The following FCER2 variants were observed in gnomAD, a reference collection of about 807,000 sequenced individuals.
FCER2 encodes Fc epsilon receptor II, also known as low affinity immunoglobulin epsilon Fc receptor.
FCER2 carries 38 observed loss-of-function variants against 49.7 expected under a neutral mutation model. That is an observed-to-expected ratio of 0.76 (90% confidence interval 0.59 to 1.00). The LOEUF (loss-of-function observed/expected upper bound fraction) is 1.00, where lower values mean the gene tolerates loss of function less well. Ranked by LOEUF, FCER2 falls within the 50% of genes least tolerant of loss-of-function variation. The probability of loss-of-function intolerance (pLI) is 0.00; values close to 1 mark genes in which losing one functional copy is unlikely to be tolerated. For synonymous variants in FCER2, 163 were observed against 164.6 expected, an observed-to-expected ratio of 0.99 and a Z score of 0.07; for missense variants, 425 against 419.5, an observed-to-expected ratio of 1.01 and a Z score of -0.11.
chr19:7,696,734 C>T (rs763041487), intron 8 of FCER2, 91 bp downstream of exon 8: 2 of 890,060 alleles, frequency 2.2e-6, no homozygotes, highest in South Asian at 1.5e-5. Context: ...CATGCTGCCT[C>T]ACGTCACACG....
chr19:7,697,183 ACTCC>A, intron 6 of FCER2, 49 bp downstream of exon 6: 7 of 1,600,746 alleles, frequency 4.4e-6, no homozygotes, highest in Non-Finnish European at 6.0e-6. Flanking sequence ...GCTCTGAGAC[ACTCC>A]CTCCTTCCCA....
In FCER2 at chr19:7,697,597, G is replaced by C. The variant is rs190601939; in HGVS notation, c.191-8C>G. On this transcript the variant is annotated splice_polypyrimidine_tract_variant and splice_region_variant and intron_variant, in intron 4 of 10. Transcript: ENST00000597921. The stretch of plus-strand genomic sequence containing the variant: ...TCTTGGAAACTTGAGAGACTGGAGC[G>C]GCGGGAGAGAAGAGATATCCCAGGA... 2,119 of 1,613,618 alleles carry C rather than the reference G, an allele frequency of 1.3e-3. 12 individuals carry two copies. Among genetic ancestry groups the C allele is most frequent in the South Asian group, 1.3e-3 (116 of 91,038 alleles).
At chr19:7,698,164 G>A (rs1054424151) in intron 4 of FCER2, among the ~76,000 whole-genome samples, 192 bp downstream of exon 4, 1 of 152,202 alleles carries the variant, frequency 6.6e-6, no homozygotes, top group Non-Finnish European at 1.5e-5. Flanking sequence ...GCAAGCGGAA[G>A]AGCATCTGTA....
At chr19:7,696,435 C>T (rs1039680777) in intron 8 of FCER2, among the ~76,000 whole-genome samples, 1 of 152,032 alleles carries the variant, frequency 6.6e-6, no homozygotes, top group South Asian at 2.1e-4. Flanking sequence ...GGGGTTTCAC[C>T]ATGTTGGTCA....
intron 2 of FCER2, among the ~76,000 whole-genome samples, chr19:7,699,166 C>T (rs1335304491): frequency 6.6e-6 from 1 of 152,146 alleles, no homozygotes; most frequent in Admixed American, 6.6e-5. Flanking sequence ...TGAGCCCCAA[C>T]GCCCACCCTT....
Position 7,699,878 on chromosome 19 carries a change from C to G in FCER2, c.-85-33G>C, listed in dbSNP as rs112897528. ...GGGATTTAATGATGGTTAGGGTGAGCCATCAAATCCTAGTTACCAGCACAG... is the reference window on the plus strand; with the variant it reads ...GGGATTTAATGATGGTTAGGGTGAGGCATCAAATCCTAGTTACCAGCACAG... On this transcript the variant is annotated intron_variant, in intron 1 of 10. Coordinates refer to ENST00000597921, the MANE Select transcript of FCER2 (RefSeq NM_001220500.2). 5,110 of 976,884 alleles carry G rather than the reference C, an allele frequency of 5.2e-3. 190 individuals carry two copies. The African/African-American group carries it at 0.07, about 13-fold the overall frequency. The allele number at this position is 976,884 out of a possible 1,614,324, so 60.5% of individuals were successfully genotyped here. A position where few individuals can be genotyped will look rare whatever the true frequency, so the allele number is the denominator to read the frequency against.
rs747004976 is a variant in FCER2 at position 7,698,357 on chromosome 19, G to C, written c.189C>G (p.Asn63Lys). The C allele has an allele frequency of 6.2e-7, 1 of 1,609,342 alleles. No homozygotes were observed. Among genetic ancestry groups the C allele is most frequent in the South Asian group, 1.1e-5 (1 of 90,588 alleles). ...LKQLEERAARNVSQVSKNLES... is the reference protein window; with the variant it reads ...LKQLEERAARKVSQVSKNLES... ...CCCTCCACCTTGACCCCTTCATACC[G>C]TTCCGGGCAGCCCTCTCTTCCAGCT... The change falls in exon 4 of 11, where the codon AAC (asparagine) becomes AAG (lysine). Residue 63 changes from asparagine to lysine, a missense_variant and splice_region_variant. Physicochemically the swap from Asn to Lys is moderately conservative, Grantham distance 94. Transcript: ENST00000597921.
rs1270430745 is a variant in FCER2 at position 7,689,177 on chromosome 19, C to T, written c.*16G>A. 2 of 1,562,476 alleles carry T rather than the reference C, an allele frequency of 1.3e-6. No homozygotes were observed. Among genetic ancestry groups the T allele is most frequent in the East Asian group, 2.3e-5 (1 of 44,316 alleles). On this transcript the variant is annotated 3_prime_UTR_variant, in exon 11 of 11. Coordinates refer to ENST00000597921, the MANE Select transcript of FCER2 (RefSeq NM_001220500.2). ...GGGTCTTCAGGGTCTTGCTCTGGGC[C>T]TGGCTGTATCCATGCTCAAGAGTGG... is the stretch of plus-strand genomic sequence containing the variant.
Position 7,693,988 on chromosome 19 carries a change from C to T in FCER2, c.469+2837G>A, listed in dbSNP as rs543493647. On this transcript the variant is annotated intron_variant, in intron 8 of 10. Transcript: ENST00000597921. ...TTTTTTTTTTAAAGAGGCAGGGTCT[C>T]ATCATCTTGCCCAGGCCAGTCTCGA... Among the ~76,000 whole-genome samples, 664 of 149,372 alleles carry T rather than the reference C, an allele frequency of 4.4e-3. 3 individuals carry two copies. Among genetic ancestry groups the T allele is most frequent in the Non-Finnish European group, 7.4e-3 (500 of 67,582 alleles).
chr19:7,690,616 C>T, intron 8 of FCER2, 59 bp from the exon 9 acceptor site: 1 of 1,569,862 alleles, frequency 6.4e-7, no homozygotes, highest in Non-Finnish European at 8.6e-7. Context: ...GCACCCTGGG[C>T]AGACTAGGTG....
At chr19:7,701,151 A>G (rs2033144700) in intron 1 of FCER2, among the ~76,000 whole-genome samples, 1 of 152,208 alleles carries the variant, frequency 6.6e-6, no homozygotes, top group South Asian at 2.1e-4. Flanking sequence ...GCTGAGGAGC[A>G]TGGGACTTGG....
chr19:7,693,793 C>T (rs529633887), intron 8 of FCER2, among the ~76,000 whole-genome samples: 10 of 151,994 alleles, frequency 6.6e-5, no homozygotes, highest in Admixed American at 3.3e-4. Context: ...GGATTACAGG[C>T]GTGCACCACC....
chr19:7,690,098 G>C, intron 10 of FCER2, 61 bp downstream of exon 10: 1 of 1,056,266 alleles, frequency 9.5e-7, no homozygotes, highest in Non-Finnish European at 1.5e-6. Context: ...TTTATCTAGG[G>C]AGCTCCTCCC....
chr19:7,691,188 A>G (rs903036430), intron 8 of FCER2, among the ~76,000 whole-genome samples: 7 of 152,126 alleles, frequency 4.6e-5, no homozygotes, highest in Admixed American at 6.5e-5. Flanking sequence ...AACCGTCAAC[A>G]CCATGACCAG....
At chr19:7,698,228 G>A in intron 4 of FCER2, 128 bp downstream of exon 4, 1 of 658,676 alleles carries the variant, frequency 1.5e-6, no homozygotes, top group Non-Finnish European at 2.6e-6. Context: ...GCCTTCCCTA[G>A]GACAGGGAGC....
chr19:7,697,143 C>A, intron 6 of FCER2, 68 bp from the exon 7 acceptor site: 1 of 1,606,656 alleles, frequency 6.2e-7, no homozygotes, highest in Non-Finnish European at 8.5e-7. Flanking sequence ...GCCCCCCAAG[C>A]CTGGCCCCCC....
intron 8 of FCER2, 94 bp downstream of exon 8, chr19:7,696,731 C>G: frequency 1.2e-6 from 1 of 860,060 alleles, no homozygotes. Context: ...AGACATGCTG[C>G]CTCACGTCAC....
rs1568490365 is a variant in FCER2, at chr19:7,697,611, G to C, written c.191-22C>G. 3.1e-6 allele frequency: 5 copies of C among 1,610,926 alleles called. No individual in the cohort carries two copies. The African/African-American group carries it at 6.7e-5, about 21-fold the overall frequency. ...GAGACTGGAGCGGCGGGAGAGAAGAGATATCCCAGGAACCTCAAAGGCAGG... is the reference window on the plus strand; with the variant it reads ...GAGACTGGAGCGGCGGGAGAGAAGACATATCCCAGGAACCTCAAAGGCAGG... On this transcript the variant is annotated intron_variant, in intron 4 of 10. Coordinates refer to ENST00000597921, the MANE Select transcript of FCER2 (RefSeq NM_001220500.2).
At chr19:7,698,245 G>C (rs1331773237) in intron 4 of FCER2, 111 bp downstream of exon 4, 33 of 792,628 alleles carry the variant, frequency 4.2e-5, no homozygotes, top group Admixed American at 1.4e-4. Context: ...GAGCAACTTA[G>C]TTTGACCTTC....
Sources: allele counts gnomAD v4.1 joint callset (sites outside exome capture counted in the v4.1 genomes callset), GRCh38; gene constraint gnomAD v4.1.1; transcripts MANE v1.5; gene names NCBI Gene and HGNC (gene_info 2026-07-23, HGNC 2026-07-21).